The following VPS8 variants were observed in gnomAD, a reference collection of about 807,000 sequenced individuals.
VPS8 encodes vacuolar protein sorting-associated protein 8 homolog.
A neutral mutation model predicts 216.4 loss-of-function variants in VPS8; 129 were observed. That is an observed-to-expected ratio of 0.60 (90% CI 0.52 to 0.69). The LOEUF is 0.69. VPS8 is among the 30% of genes least tolerant of loss of function. The pLI is 0.00. For synonymous variants in VPS8, 571 were observed against 565.4 expected (o/e 1.01, Z -0.14); for missense variants, 1,531 against 1,683.5 (o/e 0.91, Z 1.59).
At chr3:185,021,976 A>G (rs1033332418) in intron 45 of VPS8, among the ~76,000 whole-genome samples, 1 of 152,082 alleles carries the variant, frequency 6.6e-6, no homozygotes, top group Non-Finnish European at 1.5e-5. Context: ...TTTGCCCTTG[A>G]TATGGTTTGG....
intron 46 of VPS8, among the ~76,000 whole-genome samples, chr3:185,032,636 T>C (rs998408471): frequency 3.5e-5 from 5 of 143,872 alleles, no homozygotes. Flanking sequence ...AATAAGCAGT[T>C]TGATTTTGTT....
intron 42 of VPS8, among the ~76,000 whole-genome samples, chr3:184,985,829 C>T (rs1750982271): frequency 6.6e-6 from 1 of 152,024 alleles, no homozygotes; most frequent in Admixed American, 6.6e-5. Context: ...AGTGAAAAAG[C>T]ATAATCTGTA....
chr3:184,832,000 G>A (rs1369089260), intron 3 of VPS8, among the ~76,000 whole-genome samples: 1 of 152,104 alleles, frequency 6.6e-6, no homozygotes, highest in Non-Finnish European at 1.5e-5. Context: ...TTCATTAAAT[G>A]AGTACTGGTT....
intron 36 of VPS8, among the ~76,000 whole-genome samples, chr3:184,942,503 C>T (rs998894562): frequency 3.9e-5 from 6 of 152,150 alleles, no homozygotes; most frequent in Non-Finnish European, 8.8e-5. Flanking sequence ...CAGGAATGAC[C>T]TCACTCTCAC....
At chr3:184,915,172 G>C in intron 27 of VPS8, 119 bp downstream of exon 27, 2 of 1,350,358 alleles carry the variant, frequency 1.5e-6, no homozygotes, top group Non-Finnish European at 2.1e-6. Flanking sequence ...GCAGGAGAGA[G>C]CTTACACACT....
At chr3:185,032,557 CT>C (rs1309648449) in intron 46 of VPS8, among the ~76,000 whole-genome samples, 3 of 152,022 alleles carry the variant, frequency 2.0e-5, no homozygotes, top group Non-Finnish European at 4.4e-5. Context: ...CTGGGTCAGG[CT>C]GAGAATAGGT....
At chr3:184,944,421 C>A in intron 36 of VPS8, 2 of 772,414 alleles carry the variant, frequency 2.6e-6, no homozygotes, top group Non-Finnish European at 3.1e-6. Flanking sequence ...CCGACTCTAC[C>A]CCCATCCCCT....
chr3:185,012,939 A>G (rs1261995826), intron 45 of VPS8, among the ~76,000 whole-genome samples: 3 of 151,760 alleles, frequency 2.0e-5, no homozygotes, highest in Non-Finnish European at 4.4e-5. Flanking sequence ...TATTGTTTCT[A>G]TAGATTATAG....
intron 37 of VPS8, among the ~76,000 whole-genome samples, chr3:184,963,521 A>G (rs1204261838): frequency 2.6e-5 from 4 of 152,050 alleles, no homozygotes; most frequent in South Asian, 2.1e-4. Context: ...ATTGTTTTCT[A>G]TGGAGCAACC....
At chr3:184,838,507 G>A (rs1274405566) in intron 5 of VPS8, among the ~76,000 whole-genome samples, 1 of 152,010 alleles carries the variant, frequency 6.6e-6, no homozygotes, top group Non-Finnish European at 1.5e-5. Flanking sequence ...TATATACTTA[G>A]TAAAATAAAA....
chr3:184,979,758 A>G (rs1380029409), intron 40 of VPS8, among the ~76,000 whole-genome samples: 2 of 152,106 alleles, frequency 1.3e-5, no homozygotes, highest in African/African-American at 4.8e-5. Context: ...TATCCAGCTT[A>G]CCACTCTGTG....
chr3:184,905,555 A>G (rs1735337966), intron 25 of VPS8, among the ~76,000 whole-genome samples: 1 of 148,344 alleles, frequency 6.7e-6, no homozygotes, highest in African/African-American at 2.5e-5. Flanking sequence ...CATGCATTCA[A>G]CTTTAGTCTA....
At chr3:184,831,005 A>G (rs760696315) in intron 3 of VPS8, among the ~76,000 whole-genome samples, 1 of 152,218 alleles carries the variant, frequency 6.6e-6, no homozygotes, top group African/African-American at 2.4e-5. Flanking sequence ...AAGTCCATGA[A>G]GTAGGAAGAG....
intron 23 of VPS8, among the ~76,000 whole-genome samples, chr3:184,895,685 G>C (rs184720432): frequency 9.4e-6 from 1 of 106,726 alleles, no homozygotes; most frequent in East Asian, 2.9e-4. Context: ...TGTCCCCCAG[G>C]CTGGAGTACA....
intron 8 of VPS8, 95 bp from the exon 9 acceptor site, chr3:184,848,976 C>A: frequency 1.5e-6 from 2 of 1,349,218 alleles, no homozygotes; most frequent in South Asian, 1.3e-5. Context: ...GCTTTTGATT[C>A]TTGTCACCTC....
chr3:184,850,782 C>T (rs1426280757), intron 10 of VPS8, among the ~76,000 whole-genome samples: 1 of 152,104 alleles, frequency 6.6e-6, no homozygotes, highest in East Asian at 1.9e-4. Context: ...CTCTGTCATC[C>T]GTAAGTATGC....
intron 25 of VPS8, among the ~76,000 whole-genome samples, chr3:184,908,078 A>G (rs1735809100): frequency 6.6e-6 from 1 of 152,114 alleles, no homozygotes; most frequent in Non-Finnish European, 1.5e-5. Flanking sequence ...AACTACTAAC[A>G]CTGTCTCAGC....
intron 39 of VPS8, among the ~76,000 whole-genome samples, chr3:184,968,496 AACAGT>A (rs1747791381): frequency 6.6e-6 from 1 of 152,224 alleles, no homozygotes; most frequent in Non-Finnish European, 1.5e-5. Context: ...CATTCCCACC[AACAGT>A]ACACAAGGGT....
chr3:184,999,293 AG>A (rs1753075643), intron 44 of VPS8, among the ~76,000 whole-genome samples: 1 of 152,206 alleles, frequency 6.6e-6, no homozygotes, highest in Admixed American at 6.5e-5. Flanking sequence ...TCCTAACCTC[AG>A]CTGATCTGCC....
Sources: allele counts gnomAD v4.1 joint callset (sites outside exome capture counted in the v4.1 genomes callset), GRCh38; gene constraint gnomAD v4.1.1; transcripts MANE v1.5; gene names NCBI Gene and HGNC (gene_info 2026-07-23, HGNC 2026-07-21).